IGSF21: variants seen among roughly 807,000 people sequenced by gnomAD.
The protein encoded by IGSF21 is immunoglobin superfamily member 21, also known as immunoglobulin superfamily member 21.
IGSF21 carries 28 observed loss-of-function variants against 46.8 expected under a neutral mutation model. The observed-to-expected ratio is 0.60, with a 90% CI of 0.44 to 0.82. The LOEUF is 0.82. IGSF21 is among the 40% of genes least tolerant of loss of function. The pLI, the probability that IGSF21 is intolerant of heterozygous loss-of-function variation, is 0.00. For synonymous variants in IGSF21, 284 were observed against 273.6 expected, an observed-to-expected ratio of 1.04 and a Z score of -0.38; for missense variants, 624 against 665.5, an observed-to-expected ratio of 0.94 and a Z score of 0.69.
chr1:18,197,882 T>A (rs553898339), intron 1 of IGSF21, among the ~76,000 whole-genome samples: 1 of 152,338 alleles, frequency 6.6e-6, no homozygotes, highest in African/African-American at 2.4e-5. Context: ...TGTGACTGTG[T>A]CTTAGCTGTG....
At chr1:18,360,456 T>C (rs2086087985) in intron 4 of IGSF21, among the ~76,000 whole-genome samples, 1 of 152,182 alleles carries the variant, frequency 6.6e-6, no homozygotes, top group South Asian at 2.1e-4. Context: ...CTGTGAACTT[T>C]GCAATGCTTC....
At chr1:18,128,880 C>T (rs1458078452) in intron 1 of IGSF21, among the ~76,000 whole-genome samples, 2 of 151,980 alleles carry the variant, frequency 1.3e-5, no homozygotes, top group Non-Finnish European at 2.9e-5. Flanking sequence ...TTTTATTTCA[C>T]CTTGAACCCC....
At chr1:18,131,897 G>C (rs1284464830) in intron 1 of IGSF21, among the ~76,000 whole-genome samples, 1 of 152,216 alleles carries the variant, frequency 6.6e-6, no homozygotes, top group African/African-American at 2.4e-5. Flanking sequence ...ACTGGGAAAT[G>C]TATCAAGGTG....
At chr1:18,298,763 G>A (rs1218329621) in intron 3 of IGSF21, among the ~76,000 whole-genome samples, 2 of 152,194 alleles carry the variant, frequency 1.3e-5, no homozygotes, top group Non-Finnish European at 1.5e-5. Flanking sequence ...TGCATTTGAG[G>A]CACATAGCTA....
Position 18,375,445 on chromosome 1 carries a change from A to G in IGSF21, c.1016-865A>G, listed in dbSNP as rs528504595. 2.0e-5 allele frequency among the ~76,000 whole-genome samples: 3 copies of G among 152,280 alleles called. No individual in the cohort carries two copies. In the East Asian group the frequency reaches 5.8e-4, roughly 29 times the overall value. ...CTGTTTGTCAGCTGAAATGAAGGGAACAGACCCAATGATCCCGAGTGGCTC... is the reference window on the plus strand; with the variant it reads ...CTGTTTGTCAGCTGAAATGAAGGGAGCAGACCCAATGATCCCGAGTGGCTC... On this transcript the variant is annotated intron_variant, in intron 6 of 9. Transcript: ENST00000251296.
intron 4 of IGSF21, among the ~76,000 whole-genome samples, chr1:18,345,100 A>G (rs910578289): frequency 1.3e-5 from 2 of 152,156 alleles, no homozygotes; most frequent in Admixed American, 6.5e-5. Context: ...CCCAAGCAAA[A>G]GCCTGGACAA....
In IGSF21 at chr1:18,108,136, C is replaced by T; in HGVS notation, c.8C>T (p.Thr3Ile). 1.4e-6 allele frequency: 2 copies of T among 1,424,254 alleles called. No individual in the cohort carries two copies. The highest frequency in any genetic ancestry group is 1.8e-6 in the Non-Finnish European group (2 of 1,086,954). 88.2% of individuals were successfully genotyped at this position (1,424,254 alleles called of 1,614,324 possible). Reference sequence around the variant, plus strand: ...CGCCAGCTCCCGGGCACCATGCGAACCGCCCCGAGCCTCCGCCGCTGCGTC... The same window carrying T: ...CGCCAGCTCCCGGGCACCATGCGAATCGCCCCGAGCCTCCGCCGCTGCGTC... MR[T>I]APSLRRCVCL... Residue 3 changes from threonine (T) to isoleucine (I), a missense_variant, in exon 1 of 10, where the codon ACC (threonine) becomes ATC (isoleucine). Transcript: ENST00000251296.
At chr1:18,273,973 G>A (rs977320185) in intron 2 of IGSF21, among the ~76,000 whole-genome samples, 3 of 152,188 alleles carry the variant, frequency 2.0e-5, no homozygotes, top group African/African-American at 4.8e-5. Flanking sequence ...GCTGCTCTAT[G>A]TGTTGGGGGA....
At chr1:18,370,857 A>G (rs1173458005) in intron 6 of IGSF21, among the ~76,000 whole-genome samples, 1 of 152,218 alleles carries the variant, frequency 6.6e-6, no homozygotes, top group East Asian at 1.9e-4. Flanking sequence ...AGAAATGAAG[A>G]TTCCAACCTC....
intron 1 of IGSF21, among the ~76,000 whole-genome samples, chr1:18,216,502 G>C (rs1229004918): frequency 6.6e-6 from 1 of 152,320 alleles, no homozygotes; most frequent in East Asian, 1.9e-4. Flanking sequence ...AGAGGGACAA[G>C]TTTGGGGGCC....
At chr1:18,161,988 G>GT (rs1303841366) in intron 1 of IGSF21, among the ~76,000 whole-genome samples, 1 of 152,036 alleles carries the variant, frequency 6.6e-6, no homozygotes, top group Non-Finnish European at 1.5e-5. Flanking sequence ...TATACAGGTG[G>GT]TCCCTAACTT....
At chr1:18,154,838 C>T (rs1179279940) in intron 1 of IGSF21, among the ~76,000 whole-genome samples, 1 of 151,798 alleles carries the variant, frequency 6.6e-6, no homozygotes, top group Non-Finnish European at 1.5e-5. Flanking sequence ...TTTCACTTCC[C>T]TTTCACTTCC....
intron 3 of IGSF21, among the ~76,000 whole-genome samples, chr1:18,326,812 T>C (rs1326451799): frequency 6.6e-6 from 1 of 152,120 alleles, no homozygotes; most frequent in East Asian, 1.9e-4. Flanking sequence ...CCGTAGTCGA[T>C]GGAAGCTGCA....
chr1:18,233,340 G>T (rs991375916), intron 2 of IGSF21, among the ~76,000 whole-genome samples: 1 of 152,160 alleles, frequency 6.6e-6, no homozygotes, highest in Admixed American at 6.5e-5. Flanking sequence ...TCCCCTCTGG[G>T]TTCTGCTGGA....
rs1226853097 is a variant in IGSF21 at position 18,226,696 on chromosome 1, A to G, written c.71-1202A>G. On this transcript the variant is annotated intron_variant, in intron 1 of 9. Transcript: ENST00000251296. ...TTTGTTTTCCTGGAGTGTTGTAACC[A>G]TTGAGTTCCAGGCAGGGGTCAGGCC... 2.6e-4 allele frequency among the ~76,000 whole-genome samples: 39 copies of G among 152,172 alleles called. 1 individual carries two copies. Among genetic ancestry groups the G allele is most frequent in the Admixed American group, 2.6e-3 (39 of 15,292 alleles).
intron 3 of IGSF21, among the ~76,000 whole-genome samples, chr1:18,295,131 T>G (rs2085300553): frequency 6.6e-6 from 1 of 152,176 alleles, no homozygotes. Context: ...CCTGGAGGGA[T>G]GGAAGTCGGG....
intron 2 of IGSF21, among the ~76,000 whole-genome samples, chr1:18,269,010 G>A (rs1484231045): frequency 2.0e-5 from 3 of 152,228 alleles, no homozygotes; most frequent in Admixed American, 6.5e-5. Context: ...TGAGCTGGTC[G>A]ATTGTTCTTG....
At chr1:18,193,676 C>T (rs1054208778) in intron 1 of IGSF21, among the ~76,000 whole-genome samples, 2 of 152,176 alleles carry the variant, frequency 1.3e-5, no homozygotes, top group Non-Finnish European at 2.9e-5. Flanking sequence ...CTGCCTTCCC[C>T]AGCCCACTGA....
intron 3 of IGSF21, among the ~76,000 whole-genome samples, chr1:18,292,904 G>A (rs1034084052): frequency 7.2e-5 from 11 of 152,156 alleles, no homozygotes; most frequent in African/African-American, 2.7e-4. Context: ...ACTCTTCCAC[G>A]CCACACCGCC....
Sources: allele counts gnomAD v4.1 joint callset (sites outside exome capture counted in the v4.1 genomes callset), GRCh38; gene constraint gnomAD v4.1.1; transcripts MANE v1.5; gene names NCBI Gene and HGNC (gene_info 2026-07-23, HGNC 2026-07-21).